CACNA1C: variants seen among roughly 807,000 people sequenced by gnomAD.
CACNA1C encodes the protein calcium voltage-gated channel subunit alpha1 C.
CACNA1C carries 30 observed loss-of-function variants against 229.0 expected under a neutral mutation model. That is an observed-to-expected ratio of 0.13 (90% CI 0.10 to 0.18). CACNA1C has a LOEUF of 0.18. Among genes scored for constraint, CACNA1C ranks in the 10% least tolerant of loss-of-function variants. The probability of loss-of-function intolerance (pLI) is 1.00; values close to 1 mark genes in which losing one functional copy is unlikely to be tolerated. For synonymous variants in CACNA1C, 1,114 were observed against 1,132.5 expected (o/e 0.98, Z 0.33); for missense variants, 1,658 against 2,845.0 (o/e 0.58, Z 9.49).
At chr12:2,277,356 CAG>C (rs1451308482) in intron 3 of CACNA1C, among the ~76,000 whole-genome samples, 153 of 71,430 alleles carry the variant, frequency 2.1e-3, no homozygotes, top group Admixed American at 9.6e-3. Context: ...GACAGACAGA[CAG>C]ACAGACACAC....
At chr12:2,286,475 G>A (rs755483862) in intron 3 of CACNA1C, among the ~76,000 whole-genome samples, 2 of 152,224 alleles carry the variant, frequency 1.3e-5, no homozygotes, top group African/African-American at 2.4e-5. Context: ...TAAGGACCCT[G>A]TGGGAAGATG....
intron 3 of CACNA1C, among the ~76,000 whole-genome samples, chr12:2,406,517 T>G (rs2098739030): frequency 6.6e-6 from 1 of 152,238 alleles, no homozygotes; most frequent in Non-Finnish European, 1.5e-5. Flanking sequence ...GATTCCTTCC[T>G]TCGTTGTCTA....
chr12:2,295,611 A>G (rs16929219), intron 3 of CACNA1C, among the ~76,000 whole-genome samples: 1,706 of 152,352 alleles, frequency 0.011, 27 homozygotes, highest in African/African-American at 0.04. Context: ...AATGCTAAGT[A>G]GTATTAAGAG....
rs77728292 is a variant in CACNA1C at position 2,145,628 on chromosome 12, G to A, written c.477+25198G>A. 9.9e-3 allele frequency among the ~76,000 whole-genome samples: 1,497 copies of A among 151,372 alleles called. 35 individuals carry two copies. The highest frequency in any genetic ancestry group is 0.034 in the African/African-American group (1,412 of 41,474). On this transcript the variant is annotated intron_variant, in intron 3 of 46. Transcript: ENST00000399655. Reference sequence around the variant, plus strand: ...CTGTGTACCAGGCACTGGGCAAGGGGCATTCTGTGAGAGAGGGTATGGTAC... The same window carrying A: ...CTGTGTACCAGGCACTGGGCAAGGGACATTCTGTGAGAGAGGGTATGGTAC...
Position 2,605,868 on chromosome 12 carries a change from A to T in CACNA1C, c.3156+82A>T, listed in dbSNP as rs2075078035. 2.1e-6 allele frequency: 2 copies of T among 970,592 alleles called. No homozygotes were observed. The highest frequency in any genetic ancestry group is 3.3e-6 in the Non-Finnish European group (2 of 602,882). The allele number at this position is 970,592 out of a possible 1,614,324, so 60.1% of individuals were successfully genotyped here. ...GGAAGGGAACTGGCAGATATAGTAC[A>T]AACGAGACAGTGTCCTGAGCCAGAC... is the stretch of plus-strand genomic sequence containing the variant. On this transcript the variant is annotated intron_variant, in intron 24 of 46. Transcript: ENST00000399655. The surrounding 1 kb of genome is among the most constrained non-coding windows in gnomAD (Gnocchi z 6.2).
At chr12:2,231,912 CTTT>C (rs962724451) in intron 3 of CACNA1C, among the ~76,000 whole-genome samples, 5 of 152,068 alleles carry the variant, frequency 3.3e-5, no homozygotes, top group African/African-American at 9.7e-5. Flanking sequence ...CTTAGTTTGT[CTTT>C]TTATTTTTTT....
rs1310860604 is a variant in CACNA1C at position 2,105,495 on chromosome 12, A to C, written c.50-9729A>C. ...GGCAGAGTGACAGAATGCTGCTGGA[A>C]ATGGTGTGAAAATAGCTCAGGTAGG... On this transcript the variant is annotated intron_variant, in intron 1 of 46. Transcript: ENST00000399655. Among the ~76,000 whole-genome samples the C allele has an allele frequency of 7.9e-5, 12 of 152,192 alleles. No individual in the cohort carries two copies. The South Asian group carries it at 2.3e-3, about 29-fold the overall frequency.
chr12:2,442,357 C>T (rs2099237070), intron 3 of CACNA1C, among the ~76,000 whole-genome samples: 1 of 151,998 alleles, frequency 6.6e-6, no homozygotes, highest in Non-Finnish European at 1.5e-5. Flanking sequence ...CCATGGACCC[C>T]CCAGTTGCCA....
chr12:2,157,421 C>T (rs904815713), intron 3 of CACNA1C, among the ~76,000 whole-genome samples: 1 of 152,192 alleles, frequency 6.6e-6, no homozygotes, highest in Non-Finnish European at 1.5e-5. Flanking sequence ...CATGGGGGCA[C>T]CACTGGCACA....
At chr12:2,118,259 C>T (rs757595437) in intron 2 of CACNA1C, among the ~76,000 whole-genome samples, 1 of 152,150 alleles carries the variant, frequency 6.6e-6, no homozygotes, top group Non-Finnish European at 1.5e-5. Context: ...GGTGTGTGTG[C>T]ACGGGTCTGG....
chr12:2,200,812 C>G (rs977845099), intron 3 of CACNA1C, among the ~76,000 whole-genome samples: 3 of 152,098 alleles, frequency 2.0e-5, no homozygotes, highest in Non-Finnish European at 4.4e-5. Flanking sequence ...GGAGGCAACC[C>G]TGGAGATCTG....
In CACNA1C at chr12:2,005,299, TCTG is replaced by T. The variant is rs1255892546; in HGVS notation, c.139+34103_139+34105del. 8.5e-5 allele frequency among the ~76,000 whole-genome samples: 13 copies of T among 152,350 alleles called. No individual in the cohort carries two copies. In the East Asian group the frequency reaches 2.3e-3, roughly 27 times the overall value. On this transcript the variant is annotated intron_variant, in intron 1 of 46. Coordinates refer to the CACNA1C transcript ENST00000682462. ...AAATAGGAAATAGGCATAAAGCACG[TCTG>T]CTGCAAAATGAAGTGTGTCATATTT...
intron 18 of CACNA1C, among the ~76,000 whole-genome samples, chr12:2,592,392 G>A (rs765412891): frequency 3.9e-5 from 6 of 152,180 alleles, no homozygotes; most frequent in Non-Finnish European, 7.3e-5. Context: ...AAATGCCCAC[G>A]GCTAGAAAGA....
intron 3 of CACNA1C, among the ~76,000 whole-genome samples, chr12:2,207,320 G>T (rs1477663524): frequency 6.6e-6 from 1 of 152,180 alleles, no homozygotes; most frequent in African/African-American, 2.4e-5. Context: ...TCAGCTGACG[G>T]GCTTCTGCAC....
At chr12:2,443,548 C>G (rs542333736) in intron 3 of CACNA1C, among the ~76,000 whole-genome samples, 6 of 152,354 alleles carry the variant, frequency 3.9e-5, no homozygotes, top group African/African-American at 1.4e-4. Context: ...ATCTGTTCCA[C>G]TTGGCTTCCA....
At chr12:1,975,113 G>C (rs993514735) in intron 1 of CACNA1C, among the ~76,000 whole-genome samples, 29 of 152,102 alleles carry the variant, frequency 1.9e-4, no homozygotes, top group African/African-American at 6.5e-4. Context: ...CCTGATTAAA[G>C]AAAAGTCAGA....
chr12:2,163,884 G>C (rs149181647), intron 3 of CACNA1C, among the ~76,000 whole-genome samples: 1 of 152,190 alleles, frequency 6.6e-6, no homozygotes, highest in Non-Finnish European at 1.5e-5. Context: ...GGCTTCTCGG[G>C]CTCTGGGTCC....
At chr12:2,326,169 C>CTAAAG (rs2096282054) in intron 3 of CACNA1C, among the ~76,000 whole-genome samples, 2 of 151,568 alleles carry the variant, frequency 1.3e-5, no homozygotes, top group Non-Finnish European at 2.9e-5. Flanking sequence ...AGGAGGATGA[C>CTAAAG]GAGGGAGGAG....
intron 1 of CACNA1C, among the ~76,000 whole-genome samples, chr12:2,045,226 AG>A (rs2050855288): frequency 6.6e-6 from 1 of 152,226 alleles, no homozygotes; most frequent in Non-Finnish European, 1.5e-5. Context: ...GGGTAAAAAG[AG>A]AAGAGAGAAC....
Sources: allele counts gnomAD v4.1 joint callset (sites outside exome capture counted in the v4.1 genomes callset), GRCh38; gene constraint gnomAD v4.1.1; non-coding constraint Gnocchi (gnomAD v3.1); transcripts MANE v1.5; gene names NCBI Gene and HGNC (gene_info 2026-07-23, HGNC 2026-07-21).